The following SFMBT2 variants were observed in gnomAD, a reference collection of about 807,000 sequenced individuals.
SFMBT2 encodes the protein scm-like with four MBT domains protein 2.
SFMBT2 carries 38 observed loss-of-function variants against 110.1 expected under a neutral mutation model. That is an observed-to-expected ratio of 0.35 (90% CI 0.27 to 0.45). SFMBT2 has a LOEUF of 0.45. Ranked by LOEUF, SFMBT2 falls within the 20% of genes least tolerant of loss-of-function variation. The pLI, the probability that SFMBT2 is intolerant of heterozygous loss-of-function variation, is 1.00. For synonymous variants in SFMBT2, 425 were observed against 425.4 expected (o/e 1.00, Z 0.01); for missense variants, 1,011 against 1,094.9 (o/e 0.92, Z 1.08).
At chr10:7,233,479 T>C (rs559899041) in intron 9 of SFMBT2, among the ~76,000 whole-genome samples, 3 of 152,230 alleles carry the variant, frequency 2.0e-5, no homozygotes, top group Non-Finnish European at 4.4e-5. Flanking sequence ...GAATGTTTAC[T>C]CTATTAAATG....
rs545155500 is a variant in SFMBT2, at chr10:7,315,038, GAGAAAGAAAGAAAGAAAGAAAGAA to G, written c.437-29108_437-29085del. Among the ~76,000 whole-genome samples the G allele has an allele frequency of 3.6e-3, 296 of 82,250 alleles. 2 individuals carry two copies. Among genetic ancestry groups the G allele is most frequent in the Admixed American group, 0.011 (86 of 7,642 alleles). The allele number at this position is 82,250 out of a possible 152,430, so 54.0% of individuals were successfully genotyped here. A position where few individuals can be genotyped will look rare whatever the true frequency, so the allele number is the denominator to read the frequency against. On this transcript the variant is annotated intron_variant, in intron 4 of 20. Coordinates refer to ENST00000397167, the MANE Select transcript of SFMBT2 (RefSeq NM_001387889.1). ...AAGAAAAGAGAGAGAAAGAAAGAAA[GAGAAAGAAAGAAAGAAAGAAAGAA>G]AGAAAGAAAGAAAGAAAGAAAGAAA...
intron 8 of SFMBT2, among the ~76,000 whole-genome samples, chr10:7,244,454 A>G (rs965717914): frequency 6.6e-6 from 1 of 152,224 alleles, no homozygotes; most frequent in East Asian, 1.9e-4. Flanking sequence ...GAGGAGAGTG[A>G]TGTCTTTTTG....
At chr10:7,331,850 C>A (rs948085854) in intron 4 of SFMBT2, among the ~76,000 whole-genome samples, 4 of 151,744 alleles carry the variant, frequency 2.6e-5, no homozygotes, top group Admixed American at 6.6e-5. Context: ...CTGAAAAAAA[C>A]AATACAAAAA....
At chr10:7,221,028 A>G (rs1049613706) in intron 10 of SFMBT2, among the ~76,000 whole-genome samples, 4 of 151,460 alleles carry the variant, frequency 2.6e-5, no homozygotes, top group African/African-American at 9.7e-5. Flanking sequence ...GGGTTTCACC[A>G]TGTTAGCCAG....
At chr10:7,250,218 C>T (rs939149197) in intron 7 of SFMBT2, among the ~76,000 whole-genome samples, 2 of 152,258 alleles carry the variant, frequency 1.3e-5, no homozygotes, top group Non-Finnish European at 1.5e-5. Flanking sequence ...CAATAGGTAA[C>T]TTTTCGACCC....
intron 15 of SFMBT2, chr10:7,189,206 T>C: frequency 4.1e-6 from 4 of 984,994 alleles, no homozygotes; most frequent in Non-Finnish European, 3.6e-6. Context: ...GGGTAACAAA[T>C]TGTGTGAAAC....
chr10:7,378,195 TGGG>T (rs1845309807), intron 2 of SFMBT2, among the ~76,000 whole-genome samples: 1 of 28,912 alleles, frequency 3.5e-5, no homozygotes, highest in East Asian at 2.5e-3. Context: ...TGGGTGTGTG[TGGG>T]TGTATGTGTG....
At chr10:7,394,538 C>A (rs12354417) in intron 1 of SFMBT2, among the ~76,000 whole-genome samples, 2 of 150,290 alleles carry the variant, frequency 1.3e-5, no homozygotes, top group Non-Finnish European at 3.0e-5. Flanking sequence ...GACACGCTCA[C>A]CCCCCTGGCA....
intron 4 of SFMBT2, among the ~76,000 whole-genome samples, chr10:7,290,400 G>A (rs1355032928): frequency 6.6e-6 from 1 of 151,980 alleles, no homozygotes; most frequent in African/African-American, 2.4e-5. Context: ...CCTCACTTTG[G>A]AGAAGTGCCC....
chr10:7,341,266 T>C (rs767664723), intron 4 of SFMBT2, among the ~76,000 whole-genome samples: 23 of 152,140 alleles, frequency 1.5e-4, no homozygotes, highest in Non-Finnish European at 2.9e-4. Flanking sequence ...TGACTGGACA[T>C]CTGAAAATGC....
chr10:7,385,017 G>T (rs537252374), intron 1 of SFMBT2, among the ~76,000 whole-genome samples: 20 of 152,286 alleles, frequency 1.3e-4, no homozygotes, highest in African/African-American at 4.8e-4. Flanking sequence ...AAGGTCTTCT[G>T]CGCTACACCT....
chr10:7,244,313 T>A (rs1840536726), intron 8 of SFMBT2: 1 of 227,760 alleles, frequency 4.4e-6, no homozygotes, highest in Non-Finnish European at 7.3e-6. Flanking sequence ...ATGCTTCTGA[T>A]CTGGCTGGAA....
intron 2 of SFMBT2, among the ~76,000 whole-genome samples, chr10:7,376,238 G>A (rs1338678485): frequency 6.6e-6 from 1 of 152,020 alleles, no homozygotes; most frequent in Non-Finnish European, 1.5e-5. Context: ...GTGTCCCCTG[G>A]GATGATGCTG....
chr10:7,235,216 TA>T (rs1840218793), intron 9 of SFMBT2, among the ~76,000 whole-genome samples: 1 of 151,910 alleles, frequency 6.6e-6, no homozygotes, highest in Non-Finnish European at 1.5e-5. Context: ...CAAAAGAGAT[TA>T]AAAAAATACC....
chr10:7,221,134 C>T (rs1381178034), intron 10 of SFMBT2, among the ~76,000 whole-genome samples: 1 of 152,052 alleles, frequency 6.6e-6, no homozygotes, highest in East Asian at 1.9e-4. Context: ...CTGCACCCTT[C>T]CTTCTATGGG....
chr10:7,388,449 C>T (rs1293868515), intron 1 of SFMBT2, among the ~76,000 whole-genome samples: 1 of 151,722 alleles, frequency 6.6e-6, no homozygotes, highest in Non-Finnish European at 1.5e-5. Context: ...CCTCCACCTC[C>T]CAGGTTCAAG....
intron 4 of SFMBT2, among the ~76,000 whole-genome samples, chr10:7,330,529 C>T (rs957921489): frequency 6.6e-6 from 1 of 152,108 alleles, no homozygotes; most frequent in Non-Finnish European, 1.5e-5. Flanking sequence ...ACAGGATGGC[C>T]CAGGAGCAGG....
chr10:7,198,918 G>A (rs947003691), intron 14 of SFMBT2, among the ~76,000 whole-genome samples: 4 of 152,124 alleles, frequency 2.6e-5, no homozygotes, highest in African/African-American at 9.7e-5. Flanking sequence ...GCATGCGCCT[G>A]TAATCAATCC....
chr10:7,391,069 C>T (rs1276441547), intron 1 of SFMBT2, among the ~76,000 whole-genome samples: 3 of 152,046 alleles, frequency 2.0e-5, no homozygotes, highest in Non-Finnish European at 4.4e-5. Flanking sequence ...CATTGCACTC[C>T]AGCCTGGGCA....
Sources: gnomAD v4.1 joint callset for allele counts (sites outside exome capture counted in the v4.1 genomes callset) on GRCh38, gnomAD v4.1.1 for gene constraint, MANE v1.5 for transcripts, NCBI Gene and HGNC (gene_info 2026-07-23, HGNC 2026-07-21) for gene names.